The following CTNNA3 variants were observed in gnomAD, a reference collection of about 807,000 sequenced individuals.
CTNNA3 encodes the protein catenin alpha-3.
Under a neutral mutation model 95.7 loss-of-function variants are expected in CTNNA3, and 76 were observed. The observed-to-expected ratio is 0.79, with a 90% CI of 0.66 to 0.96. CTNNA3 has a LOEUF of 0.96. CTNNA3 is among the 40% of genes least tolerant of loss of function. The pLI is 0.00. For synonymous variants in CTNNA3, 431 were observed against 374.4 expected, an observed-to-expected ratio of 1.15 and a Z score of -1.74; for missense variants, 1,191 against 1,089.8, an observed-to-expected ratio of 1.09 and a Z score of -1.31.
At chr10:66,934,841 T>TA (rs1349114248) in intron 7 of CTNNA3, among the ~76,000 whole-genome samples, 1 of 152,106 alleles carries the variant, frequency 6.6e-6, no homozygotes, top group Non-Finnish European at 1.5e-5. Context: ...TCACATCAAT[T>TA]ACATCTATGC....
intron 15 of CTNNA3, among the ~76,000 whole-genome samples, chr10:66,021,851 G>GTTTTTTTT (rs1564583857): frequency 2.4e-5 from 1 of 41,680 alleles, no homozygotes; most frequent in Non-Finnish European, 4.7e-5. Context: ...CAGGATCTTG[G>GTTTTTTTT]CTTTTTTTTT....
At chr10:66,045,535 A>T (rs1196025883) in intron 15 of CTNNA3, among the ~76,000 whole-genome samples, 1 of 152,184 alleles carries the variant, frequency 6.6e-6, no homozygotes. Flanking sequence ...TGGTATCTCT[A>T]GTGGCATCCT....
chr10:66,545,687 A>T (rs1035480093), intron 10 of CTNNA3, among the ~76,000 whole-genome samples: 2 of 151,928 alleles, frequency 1.3e-5, no homozygotes, highest in African/African-American at 4.8e-5. Context: ...CATCTTCACC[A>T]CTTGATATTG....
In CTNNA3 at chr10:66,469,138, G is replaced by A. The variant is rs180803674; in HGVS notation, c.1531+51479C>T. On this transcript the variant is annotated intron_variant, in intron 11 of 17. Transcript: ENST00000433211. The stretch of plus-strand genomic sequence containing the variant: ...TGTACTTGACACAGGGAGTACAATG[G>A]TGAACAAAACTAGAAACAGTCTCTG... Among the ~76,000 whole-genome samples the A allele has an allele frequency of 2.1e-3, 315 of 152,002 alleles. 7 individuals are homozygous for A. Among genetic ancestry groups the A allele is most frequent in the Admixed American group, 0.02 (305 of 15,224 alleles).
At position 67,496,106 on chromosome 10, in the gene CTNNA3, T is replaced by C. The variant is rs1015120574; in HGVS notation, c.579+25736A>G. ...TATCGAGCACCCTAGTAGAAAGTAT[T>C]TACATAATGCGGGAAGAGTCTACCT... On this transcript the variant is annotated intron_variant, in intron 5 of 17. Transcript: ENST00000433211. Among the ~76,000 whole-genome samples the C allele has an allele frequency of 3.9e-5, 6 of 152,208 alleles. No individual in the cohort carries two copies. The East Asian group carries it at 7.7e-4, about 20-fold the overall frequency.
intron 5 of CTNNA3, among the ~76,000 whole-genome samples, chr10:67,235,790 T>A (rs1390570010): frequency 2.1e-5 from 3 of 143,498 alleles, no homozygotes; most frequent in Non-Finnish European, 4.5e-5. Flanking sequence ...ATATCCAGAA[T>A]CTACAATGAA....
chr10:67,539,546 G>T lies in CTNNA3; in HGVS notation c.416C>A (p.Ala139Glu). Residue 139 changes from alanine (A) to glutamate (E), a missense_variant, in exon 4 of 18, where the codon GCG (alanine) becomes GAG (glutamate). Ala to Glu is a moderately radical substitution (Grantham distance 107). Coordinates refer to ENST00000433211, the MANE Select transcript of CTNNA3 (RefSeq NM_013266.4). The part of the protein sequence containing the change: ...LAAVTRLLIL[A>E]DMIDVMCLLQ... The stretch of plus-strand genomic sequence containing the variant: ...GAGGCACATGACATCAATCATGTCC[G>T]CAAGGATAAGGAGTCTCGTCACCGC... 3.7e-6 allele frequency: 6 copies of T among 1,613,694 alleles called. No individual in the cohort carries two copies. Among genetic ancestry groups the T allele is most frequent in the Non-Finnish European group, 5.1e-6 (6 of 1,179,710 alleles).
chr10:65,948,318 G>C (rs898272140), intron 17 of CTNNA3, among the ~76,000 whole-genome samples: 1 of 149,160 alleles, frequency 6.7e-6, no homozygotes, highest in Non-Finnish European at 1.5e-5. Flanking sequence ...GAAATACCAC[G>C]TAAGCGCATG....
At chr10:67,678,462 C>T (rs1169458413) in intron 1 of CTNNA3, among the ~76,000 whole-genome samples, 1 of 152,080 alleles carries the variant, frequency 6.6e-6, no homozygotes, top group East Asian at 1.9e-4. Context: ...ATTCAGAGGG[C>T]AAAAGAAGCA....
At chr10:66,508,012 C>T (rs1840512439) in intron 11 of CTNNA3, among the ~76,000 whole-genome samples, 1 of 151,968 alleles carries the variant, frequency 6.6e-6, no homozygotes, top group Non-Finnish European at 1.5e-5. Context: ...TCCTTGTTAG[C>T]ATTTTTTTTA....
chr10:66,621,645 G>A (rs1358520462), intron 10 of CTNNA3, 47 bp downstream of exon 10: 5 of 1,100,098 alleles, frequency 4.5e-6, no homozygotes, highest in South Asian at 1.4e-5. Context: ...AAAAGCATTA[G>A]GAATTATATA....
intron 13 of CTNNA3, among the ~76,000 whole-genome samples, chr10:66,154,181 A>G (rs2084354443): frequency 1.3e-5 from 2 of 151,836 alleles, no homozygotes; most frequent in South Asian, 4.2e-4. Context: ...ATCCAGCTTC[A>G]ATTGGTTTAT....
intron 10 of CTNNA3, among the ~76,000 whole-genome samples, chr10:66,599,938 G>A (rs980075280): frequency 5.3e-5 from 8 of 151,896 alleles, no homozygotes; most frequent in African/African-American, 1.9e-4. Context: ...TTTGGGAAAT[G>A]TTCACTTCTT....
chr10:67,362,985 C>T (rs1843049450), intron 5 of CTNNA3, among the ~76,000 whole-genome samples: 1 of 151,910 alleles, frequency 6.6e-6, no homozygotes. Flanking sequence ...ACATCCAAAT[C>T]AAGAACACAA....
chr10:67,392,954 C>G (rs1397465343), intron 5 of CTNNA3, among the ~76,000 whole-genome samples: 1 of 151,846 alleles, frequency 6.6e-6, no homozygotes, highest in African/African-American at 2.4e-5. Flanking sequence ...ATACCTAATG[C>G]TAGATGATGA....
chr10:66,061,108 T>C (rs1345017759), intron 15 of CTNNA3, among the ~76,000 whole-genome samples: 1 of 152,092 alleles, frequency 6.6e-6, no homozygotes, highest in Non-Finnish European at 1.5e-5. Flanking sequence ...TAACACAGTT[T>C]ATGTGACTGT....
At chr10:66,023,741 G>A (rs1051076241) in intron 15 of CTNNA3, among the ~76,000 whole-genome samples, 2 of 152,148 alleles carry the variant, frequency 1.3e-5, no homozygotes, top group Non-Finnish European at 2.9e-5. Context: ...AAAATGAGAA[G>A]ATGGTCTACA....
At chr10:66,015,631 C>T (rs2079080192) in intron 15 of CTNNA3, among the ~76,000 whole-genome samples, 1 of 151,846 alleles carries the variant, frequency 6.6e-6, no homozygotes, top group Non-Finnish European at 1.5e-5. Context: ...AATTAAGTAA[C>T]TGTGACTGAG....
Position 66,468,828 on chromosome 10 carries a change from G to A in CTNNA3, c.1531+51789C>T, listed in dbSNP as rs111435132. Among the ~76,000 whole-genome samples, 1,294 of 151,718 alleles carry A rather than the reference G, an allele frequency of 8.5e-3. 23 individuals carry two copies. Among genetic ancestry groups the A allele is most frequent in the African/African-American group, 0.029 (1,214 of 41,406 alleles). On this transcript the variant is annotated intron_variant, in intron 11 of 17. Coordinates refer to ENST00000433211, the MANE Select transcript of CTNNA3 (RefSeq NM_013266.4). The stretch of plus-strand genomic sequence containing the variant: ...CCACAGTCCAGAGATAATCACAGTC[G>A]AATTTTCTGGTATTTTTTCAATAGT...
Sources: gnomAD v4.1 joint callset for allele counts (sites outside exome capture counted in the v4.1 genomes callset) on GRCh38, gnomAD v4.1.1 for gene constraint, MANE v1.5 for transcripts, NCBI Gene and HGNC (gene_info 2026-07-23, HGNC 2026-07-21) for gene names.